The following COLEC11 variants were observed in gnomAD, a reference collection of about 807,000 sequenced individuals.
The protein encoded by COLEC11 is collectin subfamily member 11.
Under a neutral mutation model 27.3 loss-of-function variants are expected in COLEC11, and 20 were observed. That is an observed-to-expected ratio of 0.73 (90% CI 0.51 to 1.06). COLEC11 has a LOEUF of 1.06. Ranked by LOEUF, COLEC11 falls within the 50% of genes least tolerant of loss-of-function variation. The pLI is 0.00. For synonymous variants in COLEC11, 163 were observed against 154.7 expected, an observed-to-expected ratio of 1.05 and a Z score of -0.40; for missense variants, 310 against 383.0, an observed-to-expected ratio of 0.81 and a Z score of 1.59.
At chr2:3,616,618 G>A (rs1663759802) in intron 3 of COLEC11, among the ~76,000 whole-genome samples, 1 of 152,272 alleles carries the variant, frequency 6.6e-6, no homozygotes, top group African/African-American at 2.4e-5. Context: ...AACCAGTCAG[G>A]CATGGCGGCG....
At chr2:3,616,337 C>T (rs1558499723) in intron 3 of COLEC11, among the ~76,000 whole-genome samples, 1 of 151,322 alleles carries the variant, frequency 6.6e-6, no homozygotes, top group Admixed American at 6.6e-5. Context: ...CAGAGACACT[C>T]CTCACTTCCC....
chr2:3,626,308 G>T (rs1473739409), intron 3 of COLEC11, among the ~76,000 whole-genome samples: 2 of 152,256 alleles, frequency 1.3e-5, no homozygotes, highest in Non-Finnish European at 2.9e-5. Flanking sequence ...CGTGGAACCA[G>T]ACAGTCCTGG....
intron 3 of COLEC11, among the ~76,000 whole-genome samples, chr2:3,626,584 C>T (rs1473845344): frequency 6.6e-6 from 1 of 152,198 alleles, no homozygotes; most frequent in Non-Finnish European, 1.5e-5. Context: ...AGCCCTGGTG[C>T]TTTTGTTCAT....
At chr2:3,617,954 C>T (rs1210942328) in intron 3 of COLEC11, among the ~76,000 whole-genome samples, 1 of 152,142 alleles carries the variant, frequency 6.6e-6, no homozygotes, top group African/African-American at 2.4e-5. Flanking sequence ...TGATGTTGAC[C>T]ACCTTTCCAT....
intron 3 of COLEC11, among the ~76,000 whole-genome samples, chr2:3,637,148 G>A (rs1218227920): frequency 6.6e-6 from 1 of 152,198 alleles, no homozygotes; most frequent in Non-Finnish European, 1.5e-5. Context: ...TGGGTGCGTG[G>A]TTTGGTGGGG....
chr2:3,603,763 C>T (rs1193751441), intron 1 of COLEC11: 13 of 1,168,418 alleles, frequency 1.1e-5, no homozygotes, highest in Non-Finnish European at 1.5e-5. Context: ...TTCCTAAGGC[C>T]GGGGCTCCTC....
At chr2:3,617,807 C>G (rs1401623645) in intron 3 of COLEC11, 2 of 751,248 alleles carry the variant, frequency 2.7e-6, no homozygotes, top group Non-Finnish European at 4.6e-6. Flanking sequence ...CCATTCCCAC[C>G]AGCAATGTCT....
At chr2:3,616,708 A>G (rs900296313) in intron 3 of COLEC11, among the ~76,000 whole-genome samples, 2 of 152,210 alleles carry the variant, frequency 1.3e-5, no homozygotes, top group Admixed American at 1.3e-4. Flanking sequence ...AGATGGCAGC[A>G]GTACAGTCCA....
chr2:3,616,795 G>A (rs557110057), intron 3 of COLEC11, among the ~76,000 whole-genome samples: 6 of 145,226 alleles, frequency 4.1e-5, no homozygotes, highest in East Asian at 1.9e-4. Flanking sequence ...GAGGGAGACC[G>A]TGGGGAGAGG....
chr2:3,639,208 A>G (rs1665667406), intron 4 of COLEC11, among the ~76,000 whole-genome samples: 1 of 152,218 alleles, frequency 6.6e-6, no homozygotes, highest in Admixed American at 6.5e-5. Flanking sequence ...TCACCTGTCG[A>G]TGGACACATG....
chr2:3,622,146 G>A (rs1316886525), intron 3 of COLEC11, among the ~76,000 whole-genome samples: 3 of 150,812 alleles, frequency 2.0e-5, no homozygotes, highest in African/African-American at 7.3e-5. Context: ...TCCAGCCTGG[G>A]CGACAGAATG....
intron 5 of COLEC11, chr2:3,641,256 G>C (rs1387244855): frequency 7.7e-7 from 1 of 1,304,336 alleles, no homozygotes; most frequent in South Asian, 1.2e-5. Flanking sequence ...CGGCACCGCA[G>C]AGATGAGGAG....
intron 3 of COLEC11, among the ~76,000 whole-genome samples, chr2:3,634,589 C>T (rs1023194448): frequency 1.3e-5 from 2 of 152,192 alleles, no homozygotes; most frequent in Non-Finnish European, 2.9e-5. Flanking sequence ...TCCAGTTGCC[C>T]TTCTCTCTCC....
intron 2 of COLEC11, chr2:3,605,142 G>C (rs1376635688): frequency 4.3e-6 from 2 of 465,130 alleles, no homozygotes; most frequent in Non-Finnish European, 8.9e-6. Context: ...CCAAGCCTGG[G>C]GGAGCCCGGT....
rs1176875551 is a variant in COLEC11, at chr2:3,644,403, G to A, written c.*285G>A. The stretch of plus-strand genomic sequence containing the variant: ...AGAATTGCTCTTCCATAAAGCTTGT[G>A]CCTTTGTCCAAGCTATACAATAAAA... On this transcript the variant is annotated 3_prime_UTR_variant, in exon 7 of 7. Coordinates refer to ENST00000349077, the MANE Select transcript of COLEC11 (RefSeq NM_024027.5). 2 of 618,036 alleles carry A rather than the reference G, an allele frequency of 3.2e-6. No individual in the cohort carries two copies. Among genetic ancestry groups the A allele is most frequent in the Non-Finnish European group, 6.0e-6 (2 of 333,534 alleles). The allele number at this position is 618,036 out of a possible 1,614,324, so 38.3% of individuals were successfully genotyped here.
chr2:3,644,563 C>G lies in COLEC11; in HGVS notation c.*445C>G, dbSNP rs1249043943. Reference sequence around the variant, plus strand: ...TTACATTACAATATAGGTTCCTTCACACTATTATCCATGTAAAAACAATTT... The same window carrying G: ...TTACATTACAATATAGGTTCCTTCAGACTATTATCCATGTAAAAACAATTT... On this transcript the variant is annotated 3_prime_UTR_variant, in exon 7 of 7. Coordinates refer to ENST00000349077, the MANE Select transcript of COLEC11 (RefSeq NM_024027.5). 1 of 400,518 alleles carries G rather than the reference C, an allele frequency of 2.5e-6. No homozygotes were observed. Among genetic ancestry groups the G allele is most frequent in the Non-Finnish European group, 4.9e-6 (1 of 204,200 alleles). The allele number at this position is 400,518 out of a possible 1,614,324, so 24.8% of individuals were successfully genotyped here.
chr2:3,604,514 G>A (rs1478455536), intron 2 of COLEC11, 44 bp downstream of exon 2: 2 of 1,607,702 alleles, frequency 1.2e-6, no homozygotes, highest in African/African-American at 1.3e-5. Context: ...GTGGCCTCCG[G>A]GCCAGCTGAG....
chr2:3,606,054 G>T, intron 2 of COLEC11: 2 of 1,547,300 alleles, frequency 1.3e-6, no homozygotes, highest in Admixed American at 2.0e-5. Context: ...GGCTCTCTCA[G>T]AAGTTTTGGT....
At chr2:3,631,489 G>A (rs1376102244) in intron 3 of COLEC11, among the ~76,000 whole-genome samples, 1 of 152,174 alleles carries the variant, frequency 6.6e-6, no homozygotes, top group African/African-American at 2.4e-5. Flanking sequence ...TGTGCCCAGT[G>A]CTTGGCCCTT....
Sources: gnomAD v4.1 joint callset for allele counts (sites outside exome capture counted in the v4.1 genomes callset) on GRCh38, gnomAD v4.1.1 for gene constraint, MANE v1.5 for transcripts, NCBI Gene and HGNC (gene_info 2026-07-23, HGNC 2026-07-21) for gene names.